The following PRMT3 variants were observed in gnomAD, a reference collection of about 807,000 sequenced individuals.
PRMT3 encodes protein arginine methyltransferase 3, also known as protein arginine N-methyltransferase 3.
Under a neutral mutation model 71.9 loss-of-function variants are expected in PRMT3, and 62 were observed. The ratio of observed to expected loss-of-function variants is 0.86; its 90% CI spans 0.70 to 1.07. The LOEUF is 1.07. Ranked by LOEUF, PRMT3 falls within the 50% of genes least tolerant of loss-of-function variation. PRMT3 has a pLI of 0.00. For synonymous variants in PRMT3, 213 were observed against 220.4 expected (o/e 0.97, Z 0.30); for missense variants, 663 against 643.0 (o/e 1.03, Z -0.34).
At chr11:20,440,489 C>CAAAAACAAA (rs1849866289) in intron 10 of PRMT3, among the ~76,000 whole-genome samples, 1 of 115,960 alleles carries the variant, frequency 8.6e-6, no homozygotes, top group Non-Finnish European at 1.8e-5. Context: ...ACTAAAAATA[C>CAAAAACAAA]AAAAAAAAAA....
chr11:20,490,965 C>G (rs1851191843), intron 13 of PRMT3, among the ~76,000 whole-genome samples: 2 of 152,030 alleles, frequency 1.3e-5, no homozygotes, highest in South Asian at 4.2e-4. Flanking sequence ...TTTTCTCCAT[C>G]AGTGTCTTTT....
At chr11:20,421,643 G>A (rs1466179167) in intron 9 of PRMT3, among the ~76,000 whole-genome samples, 1 of 152,062 alleles carries the variant, frequency 6.6e-6, no homozygotes, top group African/African-American at 2.4e-5. Flanking sequence ...TAATTTCTTC[G>A]TAGAACCCTC....
chr11:20,446,350 A>G (rs1301369859), intron 10 of PRMT3, among the ~76,000 whole-genome samples: 2 of 36,976 alleles, frequency 5.4e-5, no homozygotes, highest in African/African-American at 2.3e-4. Context: ...TTTGGGTTGC[A>G]TACTCTTTTT....
intron 6 of PRMT3, among the ~76,000 whole-genome samples, chr11:20,397,033 T>C (rs1009438754): frequency 6.6e-6 from 1 of 152,226 alleles, no homozygotes; most frequent in African/African-American, 2.4e-5. Flanking sequence ...ACACCAGCTC[T>C]ACCTTTTGCC....
intron 13 of PRMT3, among the ~76,000 whole-genome samples, chr11:20,493,486 A>C (rs968453451): frequency 5.3e-5 from 8 of 152,176 alleles, no homozygotes; most frequent in African/African-American, 1.9e-4. Flanking sequence ...TGAGTAGTGC[A>C]CTTGCTGGTC....
At chr11:20,391,996 A>C (rs1203760101) in intron 3 of PRMT3, among the ~76,000 whole-genome samples, 3 of 152,242 alleles carry the variant, frequency 2.0e-5, no homozygotes, top group Non-Finnish European at 4.4e-5. Context: ...TAGAAATACT[A>C]GAAAAGCTTT....
intron 13 of PRMT3, among the ~76,000 whole-genome samples, chr11:20,478,668 CTT>C (rs1850855811): frequency 6.6e-6 from 1 of 152,056 alleles, no homozygotes; most frequent in Non-Finnish European, 1.5e-5. Flanking sequence ...TTAAAAGAAA[CTT>C]TAAAATGTTT....
At chr11:20,499,831 C>CT (rs1851416526) in intron 15 of PRMT3, among the ~76,000 whole-genome samples, 1 of 152,146 alleles carries the variant, frequency 6.6e-6, no homozygotes, top group Admixed American at 6.5e-5. Flanking sequence ...AGGAAGCACA[C>CT]TTTAAATATA....
At chr11:20,435,577 T>G (rs1849744185) in intron 10 of PRMT3, among the ~76,000 whole-genome samples, 6 of 152,226 alleles carry the variant, frequency 3.9e-5, no homozygotes, top group Admixed American at 3.9e-4. Context: ...ATATCCATTC[T>G]TCTCAACAAT....
At chr11:20,393,230 G>A (rs776827915) in intron 5 of PRMT3, among the ~76,000 whole-genome samples, 1 of 152,132 alleles carries the variant, frequency 6.6e-6, no homozygotes, top group African/African-American at 2.4e-5. Flanking sequence ...GGCAGATCAC[G>A]AGGTCAGGAG....
chr11:20,401,184 G>A (rs7480236), intron 7 of PRMT3, among the ~76,000 whole-genome samples: 8 of 152,004 alleles, frequency 5.3e-5, no homozygotes, highest in Non-Finnish European at 1.2e-4. Context: ...TGATTAAGGG[G>A]AAGTAGTGGT....
intron 15 of PRMT3, among the ~76,000 whole-genome samples, chr11:20,504,707 T>TGTGAGAGAGAGAGAGAGAGA (rs1332372470): frequency 3.8e-4 from 51 of 133,612 alleles, no homozygotes; most frequent in African/African-American, 1.4e-3. Context: ...TGTGTGTGTG[T>TGTGAGAGAGAGAGAGAGAGA]GAGAGAGAGA....
chr11:20,446,851 A>G (rs1163775296), intron 10 of PRMT3, among the ~76,000 whole-genome samples: 2 of 152,210 alleles, frequency 1.3e-5, no homozygotes, highest in Non-Finnish European at 2.9e-5. Flanking sequence ...TGATATCATC[A>G]GCCGCCTGTA....
chr11:20,452,107 T>G (rs756138180), intron 10 of PRMT3, 23 bp from the exon 11 acceptor site: 1 of 1,536,704 alleles, frequency 6.5e-7, no homozygotes, highest in Non-Finnish European at 9.0e-7. Context: ...TCTAAACTCT[T>G]TTTTTCCCCT....
chr11:20,399,525 A>T (rs78237642), intron 7 of PRMT3, among the ~76,000 whole-genome samples: 4,573 of 152,194 alleles, frequency 0.03, 197 homozygotes, highest in African/African-American at 0.1. Context: ...ATTAAAATTA[A>T]TTTTTTTATG....
intron 2 of PRMT3, among the ~76,000 whole-genome samples, chr11:20,388,457 C>T (rs958990504): frequency 1.2e-4 from 19 of 152,224 alleles, no homozygotes; most frequent in Non-Finnish European, 2.4e-4. Flanking sequence ...CACCTGAATC[C>T]TTCCAAGTCA....
chr11:20,476,632 T>G (rs1471290030), intron 13 of PRMT3, among the ~76,000 whole-genome samples: 1 of 152,182 alleles, frequency 6.6e-6, no homozygotes, highest in Non-Finnish European at 1.5e-5. Flanking sequence ...TGAGATAATT[T>G]TTTTCACCTA....
intron 13 of PRMT3, among the ~76,000 whole-genome samples, chr11:20,469,779 TAATAG>T (rs1850599253): frequency 6.6e-6 from 1 of 152,150 alleles, no homozygotes; most frequent in Non-Finnish European, 1.5e-5. Context: ...TATCATCTCT[TAATAG>T]TTTTTATATC....
intron 10 of PRMT3, among the ~76,000 whole-genome samples, chr11:20,451,841 C>G (rs1460604492): frequency 6.6e-6 from 1 of 151,964 alleles, no homozygotes; most frequent in Non-Finnish European, 1.5e-5. Context: ...TAATGTCTAT[C>G]CAAACATTTT....
Sources: gnomAD v4.1 joint callset for allele counts (sites outside exome capture counted in the v4.1 genomes callset) on GRCh38, gnomAD v4.1.1 for gene constraint, MANE v1.5 for transcripts, NCBI Gene and HGNC (gene_info 2026-07-23, HGNC 2026-07-21) for gene names.